Variants in RFX3 observed in about 807,000 individuals in gnomAD.
The protein encoded by RFX3 is transcription factor RFX3.
A neutral mutation model predicts 98.6 loss-of-function variants in RFX3; 14 were observed. The ratio of observed to expected loss-of-function variants is 0.14; its 90% confidence interval spans 0.09 to 0.22. RFX3 has a LOEUF of 0.22. Ranked by LOEUF, RFX3 falls within the 10% of genes least tolerant of loss-of-function variation. The pLI is 1.00. For missense variants in RFX3, 639 were observed against 926.9 expected, an observed-to-expected ratio of 0.69 and a Z score of 4.03; for synonymous variants, 383 against 328.4, an observed-to-expected ratio of 1.17 and a Z score of -1.80.
At chr9:3,378,286 A>G (rs1484133743) in intron 2 of RFX3, among the ~76,000 whole-genome samples, 1 of 152,154 alleles carries the variant, frequency 6.6e-6, no homozygotes, top group East Asian at 1.9e-4. Context: ...TATTAATGCA[A>G]TCTTCAATCT....
At chr9:3,392,258 A>T (rs1033348832) in intron 2 of RFX3, among the ~76,000 whole-genome samples, 4 of 152,144 alleles carry the variant, frequency 2.6e-5, no homozygotes, top group Non-Finnish European at 5.9e-5. Context: ...AAAGACAGAG[A>T]CATAGTAAAA....
chr9:3,504,125 CTCT>C (rs1006192043), intron 1 of RFX3, among the ~76,000 whole-genome samples: 1 of 127,624 alleles, frequency 7.8e-6, no homozygotes, highest in African/African-American at 3.7e-5. Context: ...CTCTCCCTCT[CTCT>C]TTATATATAT....
At chr9:3,299,620 G>A (rs1473157182) in intron 5 of RFX3, among the ~76,000 whole-genome samples, 3 of 151,272 alleles carry the variant, frequency 2.0e-5, no homozygotes, top group East Asian at 1.9e-4. Context: ...TAGCAGTATG[G>A]AAGATCAGAC....
At chr9:3,503,116 C>T (rs1816225288) in intron 1 of RFX3, among the ~76,000 whole-genome samples, 1 of 152,028 alleles carries the variant, frequency 6.6e-6, no homozygotes, top group African/African-American at 2.4e-5. Flanking sequence ...TAATTTTTTA[C>T]TTTTTTAATG....
intron 14 of RFX3, among the ~76,000 whole-genome samples, chr9:3,255,882 T>A (rs1007116854): frequency 6.6e-6 from 1 of 152,220 alleles, no homozygotes; most frequent in Non-Finnish European, 1.5e-5. Flanking sequence ...TATGTTACTG[T>A]CTACGAGATT....
intron 1 of RFX3, among the ~76,000 whole-genome samples, chr9:3,487,522 C>T (rs935723784): frequency 6.6e-6 from 1 of 152,100 alleles, no homozygotes; most frequent in African/African-American, 2.4e-5. Context: ...GAGTGTAATT[C>T]TTATTTCTAT....
chr9:3,233,625 C>G (rs1187710609), intron 15 of RFX3, among the ~76,000 whole-genome samples: 3 of 152,150 alleles, frequency 2.0e-5, no homozygotes, highest in African/African-American at 7.2e-5. Context: ...TTAGGGACAC[C>G]TTCCCTGCTG....
At chr9:3,415,433 A>G (rs569502006) in intron 1 of RFX3, among the ~76,000 whole-genome samples, 2 of 151,962 alleles carry the variant, frequency 1.3e-5, no homozygotes, top group East Asian at 3.9e-4. Context: ...TTTAATATAC[A>G]CAATAATAGT....
chr9:3,433,424 T>G (rs1844835956), intron 1 of RFX3, among the ~76,000 whole-genome samples: 1 of 152,212 alleles, frequency 6.6e-6, no homozygotes, highest in Non-Finnish European at 1.5e-5. Flanking sequence ...TGGTAGCATT[T>G]TCTTCTCTCT....
At position 3,238,599 on chromosome 9, in the gene RFX3, G is replaced by A. The variant is rs545713536; in HGVS notation, c.1968+9433C>T. ...AGAGAATCAGGAAGATTGTTCACAC[G>A]CAGATTTGGAACTTCCTGACTCAAT... On this transcript the variant is annotated intron_variant, in intron 15 of 16. Coordinates refer to ENST00000617270, the MANE Select transcript of RFX3 (RefSeq NM_001282116.2). 1.3e-4 allele frequency among the ~76,000 whole-genome samples: 20 copies of A among 152,216 alleles called. No individual in the cohort carries two copies. In the South Asian group the frequency reaches 3.7e-3, roughly 28 times the overall value.
chr9:3,227,890 C>T (rs531680314), intron 16 of RFX3, among the ~76,000 whole-genome samples: 25 of 152,106 alleles, frequency 1.6e-4, no homozygotes, highest in Admixed American at 5.2e-4. Context: ...CACACTTTGG[C>T]GAATAGCGCC....
At chr9:3,443,220 C>T (rs936579858) in intron 1 of RFX3, among the ~76,000 whole-genome samples, 9 of 152,102 alleles carry the variant, frequency 5.9e-5, no homozygotes, top group African/African-American at 1.9e-4. Context: ...TTAAGTTCAG[C>T]GGTATATGTG....
intron 1 of RFX3, among the ~76,000 whole-genome samples, chr9:3,396,421 T>G (rs550175409): frequency 6.6e-6 from 1 of 152,344 alleles, no homozygotes; most frequent in South Asian, 2.1e-4. Flanking sequence ...GTGCCACATT[T>G]TCTTAATCCA....
chr9:3,342,679 ACTT>A (rs1563957379), intron 3 of RFX3, among the ~76,000 whole-genome samples: 1 of 151,924 alleles, frequency 6.6e-6, no homozygotes, highest in African/African-American at 2.4e-5. Flanking sequence ...TTAAAAAAAA[ACTT>A]CTTAGCTACA....
intron 4 of RFX3, among the ~76,000 whole-genome samples, chr9:3,326,996 T>TTA (rs1831997529): frequency 6.6e-6 from 1 of 152,152 alleles, no homozygotes; most frequent in African/African-American, 2.4e-5. Flanking sequence ...ATTCTATAGG[T>TTA]TATATGTCGA....
intron 1 of RFX3, among the ~76,000 whole-genome samples, chr9:3,475,551 C>T (rs1480883219): frequency 2.0e-5 from 3 of 152,170 alleles, no homozygotes; most frequent in South Asian, 2.1e-4. Context: ...GCTTATGCTA[C>T]TATTTCTGCA....
intron 2 of RFX3, among the ~76,000 whole-genome samples, chr9:3,379,551 T>C (rs1335615047): frequency 6.6e-6 from 1 of 152,152 alleles, no homozygotes; most frequent in Non-Finnish European, 1.5e-5. Flanking sequence ...CATAGGCAAA[T>C]ATGAAACACA....
chr9:3,344,533 G>A (rs1834229184), intron 3 of RFX3, among the ~76,000 whole-genome samples: 1 of 152,038 alleles, frequency 6.6e-6, no homozygotes, highest in East Asian at 1.9e-4. Context: ...CACCTTAGCT[G>A]GGACCAGTAC....
intron 4 of RFX3, among the ~76,000 whole-genome samples, chr9:3,304,339 C>A (rs190857629): frequency 6.6e-6 from 1 of 151,952 alleles, no homozygotes; most frequent in African/African-American, 2.4e-5. Flanking sequence ...TTTTTAAGTA[C>A]ATAGTAACTG....
Sources: allele counts gnomAD v4.1 joint callset (sites outside exome capture counted in the v4.1 genomes callset), GRCh38; gene constraint gnomAD v4.1.1; transcripts MANE v1.5; gene names NCBI Gene and HGNC (gene_info 2026-07-23, HGNC 2026-07-21).